The following ZNF782 variants were observed in gnomAD, a reference collection of about 807,000 sequenced individuals.
The protein encoded by ZNF782 is zinc finger protein 782.
In ZNF782, 12 loss-of-function variants were observed where a neutral mutation model predicts 13.0. The ratio of observed to expected loss-of-function variants is 0.92; its 90% CI spans 0.59 to 1.50. The LOEUF (loss-of-function observed/expected upper bound fraction) is 1.50, where lower values mean the gene tolerates loss of function less well. Among genes scored for constraint, ZNF782 ranks in the 40% most tolerant of loss-of-function variants. The pLI is 0.00. For synonymous variants in ZNF782, 284 were observed against 283.0 expected (o/e 1.00, Z -0.04); for missense variants, 770 against 822.9 (o/e 0.94, Z 0.79).
chr9:96,917,432 G>A, the ZNF782 span, among the ~76,000 whole-genome samples: 1 of 151,846 alleles, frequency 6.6e-6, no homozygotes, highest in Non-Finnish European at 1.5e-5. Flanking sequence ...AATTCGTTTA[G>A]TAAAACTTTT....
intron 1 of ZNF782, among the ~76,000 whole-genome samples, chr9:96,862,239 G>A (rs1851709442): frequency 6.6e-6 from 1 of 152,132 alleles, no homozygotes; most frequent in Non-Finnish European, 1.5e-5. Flanking sequence ...TGGGGGATGG[G>A]GGGTAAAGAG....
rs181526703 is a variant in ZNF782, at chr9:96,827,766, A to G, written c.143-585T>C. Among the ~76,000 whole-genome samples, 29 of 152,364 alleles carry G rather than the reference A, an allele frequency of 1.9e-4. No individual in the cohort carries two copies. In the East Asian group the frequency reaches 5.2e-3, roughly 27 times the overall value. On this transcript the variant is annotated intron_variant, in intron 4 of 5. Coordinates refer to ENST00000481138, the MANE Select transcript of ZNF782 (RefSeq NM_001001662.3). Reference sequence around the variant, plus strand: ...AACAGGGTAAAAGGAACTGATTTCCATAACAGACAACTAAAAAACCAAACA... The same window carrying G: ...AACAGGGTAAAAGGAACTGATTTCCGTAACAGACAACTAAAAAACCAAACA...
At chr9:96,899,762 G>A in the ZNF782 span, among the ~76,000 whole-genome samples, 2 of 152,250 alleles carry the variant, frequency 1.3e-5, no homozygotes, top group East Asian at 3.9e-4. Context: ...TGCCTACTGA[G>A]GGAAACACAG....
At chr9:96,824,999 C>G (rs913284742) in intron 5 of ZNF782, among the ~76,000 whole-genome samples, 1 of 151,682 alleles carries the variant, frequency 6.6e-6, no homozygotes, top group African/African-American at 2.4e-5. Flanking sequence ...TTTATAGATT[C>G]AATGCCATCC....
At chr9:96,925,744 C>T in the ZNF782 span, among the ~76,000 whole-genome samples, 7 of 148,892 alleles carry the variant, frequency 4.7e-5, no homozygotes, top group African/African-American at 7.7e-5. Context: ...GGATTCCTAC[C>T]GTCTGTCTCC....
chr9:96,911,526 G>GA, the ZNF782 span, among the ~76,000 whole-genome samples: 2 of 83,598 alleles, frequency 2.4e-5, no homozygotes, highest in Non-Finnish European at 4.7e-5. Flanking sequence ...GTTTTGTTTT[G>GA]TTTTTTTTTT....
chr9:96,841,340 T>A (rs1283362689), intron 4 of ZNF782, among the ~76,000 whole-genome samples: 3 of 151,992 alleles, frequency 2.0e-5, no homozygotes, highest in Admixed American at 2.0e-4. Context: ...ACCACTTCTA[T>A]ACAACCTCTT....
the ZNF782 span, among the ~76,000 whole-genome samples, chr9:96,886,265 T>G: frequency 6.7e-6 from 1 of 148,858 alleles, no homozygotes; most frequent in African/African-American, 2.5e-5. Context: ...GAAAATATCC[T>G]TTAAGAATGA....
At chr9:96,834,125 T>TC (rs973867700) in intron 4 of ZNF782, among the ~76,000 whole-genome samples, 3 of 152,144 alleles carry the variant, frequency 2.0e-5, no homozygotes, top group Admixed American at 2.0e-4. Flanking sequence ...TTTGGCTGTG[T>TC]CCCCACCCAA....
the ZNF782 span, chr9:96,888,900 CAT>C: frequency 6.6e-6 from 1 of 152,250 alleles, no homozygotes; most frequent in Non-Finnish European, 1.5e-5. Context: ...CTGGGGAACA[CAT>C]AGATGCCACA....
upstream of ZNF782, among the ~76,000 whole-genome samples, chr9:96,879,458 G>A (rs143247525): frequency 1.3e-5 from 2 of 152,106 alleles, no homozygotes; most frequent in Non-Finnish European, 2.9e-5. Context: ...AGCCCAGATC[G>A]CGCCACTGCA....
chr9:96,907,895 C>A, the ZNF782 span, among the ~76,000 whole-genome samples: 1 of 151,730 alleles, frequency 6.6e-6, no homozygotes, highest in Non-Finnish European at 1.5e-5. Context: ...CCCACCTTGG[C>A]CTCCCAAAGT....
chr9:96,925,837 A>G, the ZNF782 span, among the ~76,000 whole-genome samples: 1 of 149,024 alleles, frequency 6.7e-6, no homozygotes, highest in African/African-American at 2.5e-5. Flanking sequence ...CAGACACAGC[A>G]TGGAGCCGCC....
At chr9:96,919,931 T>C in the ZNF782 span, among the ~76,000 whole-genome samples, 1 of 151,650 alleles carries the variant, frequency 6.6e-6, no homozygotes, top group Non-Finnish European at 1.5e-5. Flanking sequence ...CAACTTTTTC[T>C]ACTGAATGTT....
the ZNF782 span, among the ~76,000 whole-genome samples, chr9:96,903,308 T>C: frequency 6.6e-6 from 1 of 151,978 alleles, no homozygotes; most frequent in Non-Finnish European, 1.5e-5. Flanking sequence ...ATACAATATG[T>C]AAACCTTTGA....
the ZNF782 span, among the ~76,000 whole-genome samples, chr9:96,901,512 T>C: frequency 6.6e-6 from 1 of 151,630 alleles, no homozygotes; most frequent in African/African-American, 2.4e-5. Context: ...CCTAAGGAGA[T>C]CCTCCCACCT....
chr9:96,907,639 T>TG, the ZNF782 span, among the ~76,000 whole-genome samples: 2 of 130,526 alleles, frequency 1.5e-5, no homozygotes, highest in Admixed American at 7.5e-5. Context: ...TAGTGTCTTT[T>TG]TGTGTGTGTG....
the ZNF782 span, among the ~76,000 whole-genome samples, chr9:96,884,238 G>A: frequency 6.6e-6 from 1 of 152,206 alleles, no homozygotes; most frequent in Non-Finnish European, 1.5e-5. Context: ...CACAGGGGTA[G>A]TGTCAGTGGG....
At chr9:96,862,642 C>T (rs1024005943) in intron 1 of ZNF782, among the ~76,000 whole-genome samples, 1 of 152,150 alleles carries the variant, frequency 6.6e-6, no homozygotes, top group African/African-American at 2.4e-5. Context: ...TACCACTTTG[C>T]TAATAGTATA....
Sources: gnomAD v4.1 joint callset for allele counts (sites outside exome capture counted in the v4.1 genomes callset) on GRCh38, gnomAD v4.1.1 for gene constraint, MANE v1.5 for transcripts, NCBI Gene and HGNC (gene_info 2026-07-23, HGNC 2026-07-21) for gene names.